DGKI: variants seen among roughly 807,000 people sequenced by gnomAD.
DGKI encodes diacylglycerol kinase iota, also known as DAG kinase iota.
Under a neutral mutation model 147.5 loss-of-function variants are expected in DGKI, and 55 were observed. The ratio of observed to expected loss-of-function variants is 0.37; its 90% CI spans 0.30 to 0.47. The LOEUF is 0.47. Ranked by LOEUF, DGKI falls within the 20% of genes least tolerant of loss-of-function variation. DGKI has a pLI of 1.00. For synonymous variants in DGKI, 469 were observed against 477.1 expected (o/e 0.98, Z 0.22); for missense variants, 1,007 against 1,323.8 (o/e 0.76, Z 3.71).
chr7:137,790,803 G>T (rs1208740059), intron 1 of DGKI, among the ~76,000 whole-genome samples: 1 of 152,190 alleles, frequency 6.6e-6, no homozygotes, highest in African/African-American at 2.4e-5. Flanking sequence ...CCTGTTGTTA[G>T]ATTTGTTGAA....
At chr7:137,399,945 A>G (rs541154819) in intron 30 of DGKI, among the ~76,000 whole-genome samples, 2 of 152,138 alleles carry the variant, frequency 1.3e-5, no homozygotes, top group East Asian at 1.9e-4. Context: ...AAAAGAGTCA[A>G]TACACATAGT....
chr7:137,821,573 G>T (rs1373560799), intron 1 of DGKI, among the ~76,000 whole-genome samples: 18 of 151,690 alleles, frequency 1.2e-4, no homozygotes, highest in Admixed American at 1.2e-3. Context: ...ATGGTGAGCT[G>T]GACACATACT....
intron 21 of DGKI, among the ~76,000 whole-genome samples, chr7:137,489,765 A>G (rs1434606665): frequency 2.0e-5 from 3 of 152,212 alleles, no homozygotes; most frequent in African/African-American, 7.2e-5. Flanking sequence ...AATAGAAAAT[A>G]GATTTTAATC....
intron 1 of DGKI, among the ~76,000 whole-genome samples, chr7:137,801,098 T>C (rs1797191629): frequency 6.6e-6 from 1 of 152,226 alleles, no homozygotes. Flanking sequence ...TTTTGTTCTA[T>C]ACTGTCTAAT....
At chr7:137,419,336 T>C (rs891651983) in intron 28 of DGKI, among the ~76,000 whole-genome samples, 8 of 152,246 alleles carry the variant, frequency 5.3e-5, no homozygotes, top group Non-Finnish European at 7.3e-5. Context: ...GAAGTCTTCA[T>C]AGTTTGCCTT....
intron 6 of DGKI, among the ~76,000 whole-genome samples, chr7:137,632,605 T>C (rs1004773412): frequency 1.3e-5 from 2 of 152,146 alleles, no homozygotes; most frequent in East Asian, 3.9e-4. Context: ...ACACCTGTAA[T>C]CCCAGCATTT....
At chr7:137,529,530 A>C (rs1160323226) in intron 20 of DGKI, among the ~76,000 whole-genome samples, 4 of 152,182 alleles carry the variant, frequency 2.6e-5, no homozygotes, top group Non-Finnish European at 5.9e-5. Flanking sequence ...AGGGAAGCAA[A>C]GGTATAGAAC....
At chr7:137,565,403 C>A (rs997102588) in intron 19 of DGKI, among the ~76,000 whole-genome samples, 4 of 151,890 alleles carry the variant, frequency 2.6e-5, no homozygotes, top group Non-Finnish European at 5.9e-5. Context: ...TGTATATTAT[C>A]AAAATAAGCA....
At chr7:137,755,637 A>G (rs1195802727) in intron 1 of DGKI, among the ~76,000 whole-genome samples, 1 of 152,156 alleles carries the variant, frequency 6.6e-6, no homozygotes, top group Non-Finnish European at 1.5e-5. Context: ...GGGAACCCCA[A>G]CTTCTCCAAA....
At chr7:137,667,980 T>C (rs76948372) in intron 3 of DGKI, among the ~76,000 whole-genome samples, 4,084 of 152,286 alleles carry the variant, frequency 0.027, 183 homozygotes, top group African/African-American at 0.093. Flanking sequence ...GCCAAGTAGG[T>C]ACGACTTACC....
chr7:137,619,893 G>A lies in DGKI; in HGVS notation c.924C>T (p.Pro308=), dbSNP rs765594826. 1.9e-6 allele frequency: 3 copies of A among 1,613,918 alleles called. No individual in the cohort carries two copies. The highest frequency in any genetic ancestry group is 2.5e-6 in the Non-Finnish European group (3 of 1,179,998). ...CAGCAGCATGAGCCCCCAGGGAGCA[G>A]GGTTCTTCAATGTGATGCAGCATGA... ...TCFMLHHIEE[P]CSLGAHAAVI... Residue 308 remains proline, a synonymous_variant, in exon 8 of 33, where the codon CCC becomes CCT. Coordinates refer to ENST00000614521, the MANE Select transcript of DGKI (RefSeq NM_001321708.2).
At chr7:137,665,063 G>A (rs974715615) in intron 3 of DGKI, among the ~76,000 whole-genome samples, 1 of 152,226 alleles carries the variant, frequency 6.6e-6, no homozygotes, top group African/African-American at 2.4e-5. Context: ...ATGCTAAGGA[G>A]TGGCTGGGGG....
At position 137,638,445 on chromosome 7, in the gene DGKI, C is replaced by T. The variant is rs866374893; in HGVS notation, c.804+7027G>A. On this transcript the variant is annotated intron_variant, in intron 6 of 32. Coordinates refer to ENST00000614521, the MANE Select transcript of DGKI (RefSeq NM_001321708.2). ...AAGAACAACTATATATATATATATA[C>T]ACACACACATATATATGTGTGTATA... 1.8e-3 allele frequency among the ~76,000 whole-genome samples: 123 copies of T among 68,232 alleles called. 1 individual carries two copies. Among genetic ancestry groups the T allele is most frequent in the African/African-American group, 7.7e-3 (114 of 14,836 alleles). The allele number at this position is 68,232 out of a possible 152,430, so 44.8% of individuals were successfully genotyped here.
intron 1 of DGKI, among the ~76,000 whole-genome samples, chr7:137,748,700 T>A (rs1272740268): frequency 3.9e-5 from 6 of 152,194 alleles, no homozygotes; most frequent in Non-Finnish European, 8.8e-5. Context: ...ATATATACCC[T>A]TCATATACTA....
Position 137,555,005 on chromosome 7 carries a change from C to G in DGKI, c.1948-2437G>C, listed in dbSNP as rs577805119. Among the ~76,000 whole-genome samples the G allele has an allele frequency of 5.3e-5, 8 of 149,856 alleles. 1 individual carries two copies. The South Asian group carries it at 1.3e-3, about 24-fold the overall frequency. ...AATCTCAGCTCACTGCAACCTCCACCTCCCGGGTTCAAGTGATTCCCCTGC... is the reference window on the plus strand; with the variant it reads ...AATCTCAGCTCACTGCAACCTCCACGTCCCGGGTTCAAGTGATTCCCCTGC... On this transcript the variant is annotated intron_variant, in intron 19 of 32. Coordinates refer to ENST00000614521, the MANE Select transcript of DGKI (RefSeq NM_001321708.2).
chr7:137,501,974 G>C (rs1162121775), intron 21 of DGKI, among the ~76,000 whole-genome samples: 1 of 152,138 alleles, frequency 6.6e-6, no homozygotes, highest in Admixed American at 6.5e-5. Context: ...AAGATCTGAT[G>C]GTTTTAAAAA....
intron 6 of DGKI, among the ~76,000 whole-genome samples, chr7:137,628,016 T>A (rs1280995911): frequency 6.6e-6 from 1 of 152,232 alleles, no homozygotes; most frequent in Non-Finnish European, 1.5e-5. Context: ...GTATTTAATG[T>A]GTGTTTATAT....
At chr7:137,707,622 CT>C (rs1794079135) in intron 1 of DGKI, among the ~76,000 whole-genome samples, 1 of 152,184 alleles carries the variant, frequency 6.6e-6, no homozygotes, top group Admixed American at 6.5e-5. Context: ...TCTCCACCCT[CT>C]TTTTCTTCCT....
chr7:137,545,939 T>C, intron 20 of DGKI: 1 of 702,578 alleles, frequency 1.4e-6, no homozygotes, highest in South Asian at 1.5e-5. Flanking sequence ...TCGCCGCAGG[T>C]CCGCAGTTTG....
Sources: allele counts gnomAD v4.1 joint callset (sites outside exome capture counted in the v4.1 genomes callset), GRCh38; gene constraint gnomAD v4.1.1; transcripts MANE v1.5; gene names NCBI Gene and HGNC (gene_info 2026-07-23, HGNC 2026-07-21).